The following TMEM243 variants were observed in gnomAD, a reference collection of about 807,000 sequenced individuals.
The protein encoded by TMEM243 is transmembrane protein 243.
In TMEM243, 20 loss-of-function variants were observed where a neutral mutation model predicts 15.0. The ratio of observed to expected loss-of-function variants is 1.33; its 90% CI spans 0.94 to 1.93. TMEM243 has a LOEUF of 1.93. Ranked by LOEUF, TMEM243 falls within the 30% of genes most tolerant of loss-of-function variation. The probability of loss-of-function intolerance (pLI) is 0.00; values close to 1 mark genes in which losing one functional copy is unlikely to be tolerated. For missense variants in TMEM243, 156 were observed against 142.1 expected, an observed-to-expected ratio of 1.10 and a Z score of -0.50; for synonymous variants, 72 against 52.7, an observed-to-expected ratio of 1.37 and a Z score of -1.59.
At chr7:87,207,156 C>T (rs1239248454) in intron 1 of TMEM243, among the ~76,000 whole-genome samples, 1 of 152,196 alleles carries the variant, frequency 6.6e-6, no homozygotes, top group Non-Finnish European at 1.5e-5. Context: ...TGAGTAGAAG[C>T]CCAGTTACTT....
intron 1 of TMEM243, among the ~76,000 whole-genome samples, chr7:87,209,976 C>CAG (rs1349942760): frequency 2.2e-5 from 2 of 92,892 alleles, no homozygotes; most frequent in Non-Finnish European, 4.1e-5. Context: ...GGAGGGGGGA[C>CAG]AGAGAGAGAG....
At position 87,198,077 on chromosome 7, in the gene TMEM243, C is replaced by G. The variant is rs751322592; in HGVS notation, c.130-32G>C. 4 of 1,571,354 alleles carry G rather than the reference C, an allele frequency of 2.5e-6. No individual in the cohort carries two copies. The South Asian group carries it at 4.5e-5, about 18-fold the overall frequency. On this transcript the variant is annotated intron_variant, in intron 2 of 3. Coordinates refer to ENST00000257637, the MANE Select transcript of TMEM243 (RefSeq NM_024315.4). ...GAAGAGAAATTATGTAAGGCCTTAA[C>G]AGTAATTCCAAGACTTGGTAATTAC...
intron 1 of TMEM243, among the ~76,000 whole-genome samples, chr7:87,217,997 C>A (rs965283179): frequency 1.3e-5 from 2 of 152,242 alleles, no homozygotes; most frequent in Non-Finnish European, 2.9e-5. Flanking sequence ...ACCCAGAACC[C>A]CAATCTATGT....
upstream of TMEM243, chr7:87,219,870 T>A: frequency 3.2e-6 from 1 of 311,364 alleles, no homozygotes; most frequent in Non-Finnish European, 6.0e-6. Flanking sequence ...CGCCCGCCGC[T>A]CGCCCCCGGC....
intron 1 of TMEM243, among the ~76,000 whole-genome samples, chr7:87,204,733 G>T (rs565075606): frequency 5.3e-5 from 8 of 152,176 alleles, no homozygotes; most frequent in Non-Finnish European, 1.2e-4. Context: ...TTTACAGGCT[G>T]GCCTTGAGTG....
rs1244338785 is a variant in TMEM243 at position 87,196,956 on chromosome 7, T to C, written c.235-198A>G. 3.9e-5 allele frequency among the ~76,000 whole-genome samples: 6 copies of C among 152,018 alleles called. No homozygotes were observed. The East Asian group carries it at 5.8e-4, about 15-fold the overall frequency. The stretch of plus-strand genomic sequence containing the variant: ...GTTTCCACATCCAAGATCATACTTA[T>C]TCCTACTTTCTCAGTTTACTTTCCT... On this transcript the variant is annotated intron_variant, in intron 3 of 3. Coordinates refer to ENST00000257637, the MANE Select transcript of TMEM243 (RefSeq NM_024315.4).
chr7:87,202,705 A>G (rs1801904357), intron 1 of TMEM243, among the ~76,000 whole-genome samples: 1 of 152,206 alleles, frequency 6.6e-6, no homozygotes, highest in Admixed American at 6.5e-5. Context: ...CAAAAGGTCT[A>G]ACAGTCCTAA....
intron 1 of TMEM243, among the ~76,000 whole-genome samples, chr7:87,211,850 C>T (rs11971352): frequency 0.011 from 1,651 of 152,262 alleles, 28 homozygotes; most frequent in African/African-American, 0.037. Context: ...AACTCTAGGA[C>T]GCCGCGAATT....
chr7:87,209,057 G>A lies in TMEM243; in HGVS notation c.79-10000C>T, dbSNP rs117106877. ...TTTCCATGGCCTCTTATTTTGGGTG[G>A]ACTGCCCCTGCTTCTCTCTGGGAAG... is the stretch of plus-strand genomic sequence containing the variant. On this transcript the variant is annotated intron_variant, in intron 1 of 3. Coordinates refer to ENST00000257637, the MANE Select transcript of TMEM243 (RefSeq NM_024315.4). 4.2e-3 allele frequency among the ~76,000 whole-genome samples: 640 copies of A among 152,250 alleles called. 16 individuals are homozygous for A. In the East Asian group the frequency reaches 0.052, roughly 12 times the overall value.
At chr7:87,203,291 T>C (rs1419448549) in intron 1 of TMEM243, among the ~76,000 whole-genome samples, 1 of 151,728 alleles carries the variant, frequency 6.6e-6, no homozygotes, top group Non-Finnish European at 1.5e-5. Flanking sequence ...CTTTGGGGAA[T>C]GGTGGAATGG....
chr7:87,209,533 AG>A, intron 1 of TMEM243, among the ~76,000 whole-genome samples: 2 of 39,028 alleles, frequency 5.1e-5, no homozygotes, highest in Non-Finnish European at 9.6e-5. Context: ...AGAGAGTGAG[AG>A]AGAAAGTGAG....
rs774537883 is a variant in TMEM243, at chr7:87,209,452, GAGAC to G, written c.78+9970_78+9973del. ...AGAGTGAGACAGAGATTGAGACAGT[GAGAC>G]AGACAGAGTGAGACAGAGAGTGAGA... On this transcript the variant is annotated intron_variant, in intron 1 of 3. Transcript: ENST00000257637. Among the ~76,000 whole-genome samples the G allele has an allele frequency of 1.7e-3, 253 of 151,690 alleles. 2 individuals carry two copies. The highest frequency in any genetic ancestry group is 2.1e-3 in the Non-Finnish European group (142 of 67,902).
chr7:87,209,748 C>CACAGAGCGAGACACAGTGAGAGCGAG, intron 1 of TMEM243, among the ~76,000 whole-genome samples: 1 of 58,378 alleles, frequency 1.7e-5, no homozygotes, highest in Non-Finnish European at 3.7e-5. Flanking sequence ...GAGAGCGAGA[C>CACAGAGCGAGACACAGTGAGAGCGAG]ACAGAGCGAG....
intron 1 of TMEM243, among the ~76,000 whole-genome samples, chr7:87,204,620 A>T (rs187838303): frequency 3.3e-5 from 5 of 152,232 alleles, no homozygotes; most frequent in Admixed American, 3.3e-4. Flanking sequence ...TAAAGCTCCA[A>T]TGTCTCACAT....
chr7:87,198,135 G>A, intron 2 of TMEM243, 90 bp from the exon 3 acceptor site: 1 of 1,043,656 alleles, frequency 9.6e-7, no homozygotes. Flanking sequence ...ACTACAAAAT[G>A]CTTCATGTTA....
intron 3 of TMEM243, chr7:87,197,647 T>G (rs1801410176): frequency 8.1e-6 from 9 of 1,108,740 alleles, no homozygotes; most frequent in Non-Finnish European, 9.7e-6. Flanking sequence ...GAAGATGAAT[T>G]AAGTAAATTA....
rs1803360639 is a variant in TMEM243, at chr7:87,219,627, G to A, written c.-124C>T. The A allele has an allele frequency of 3.6e-6, 3 of 829,768 alleles. No individual in the cohort carries two copies. The highest frequency in any genetic ancestry group is 3.2e-5 in the South Asian group (2 of 61,992). 51.4% of individuals were successfully genotyped at this position (829,768 alleles called of 1,614,324 possible). A position where few individuals can be genotyped will look rare whatever the true frequency, so the allele number is the denominator to read the frequency against. On this transcript the variant is annotated 5_prime_UTR_variant, in exon 1 of 4. Transcript: ENST00000257637. ...CCGCATAGCCGAACCCGAGTGGTCG[G>A]GGAAGCGCTGGCGCCAGGGATGGGT...
At chr7:87,216,613 G>A (rs1269678201) in intron 1 of TMEM243, 2 of 152,134 alleles carry the variant, frequency 1.3e-5, no homozygotes, top group Admixed American at 6.5e-5. Context: ...ATCACTATGT[G>A]CACTCAGCAC....
chr7:87,208,569 C>G (rs1226296006), intron 1 of TMEM243, among the ~76,000 whole-genome samples: 1 of 152,236 alleles, frequency 6.6e-6, no homozygotes, highest in Non-Finnish European at 1.5e-5. Context: ...CAGCAATAGG[C>G]CTTGCTCTGA....
Sources: gnomAD v4.1 joint callset for allele counts (sites outside exome capture counted in the v4.1 genomes callset) on GRCh38, gnomAD v4.1.1 for gene constraint, MANE v1.5 for transcripts, NCBI Gene and HGNC (gene_info 2026-07-23, HGNC 2026-07-21) for gene names.